Variants in CCDC92 observed in about 807,000 individuals in gnomAD.
CCDC92 encodes coiled-coil domain containing 92.
A neutral mutation model predicts 24.9 loss-of-function variants in CCDC92; 12 were observed. The ratio of observed to expected loss-of-function variants is 0.48; its 90% confidence interval spans 0.31 to 0.78. CCDC92 has a LOEUF of 0.78. Ranked by LOEUF, CCDC92 falls within the 30% of genes least tolerant of loss-of-function variation. CCDC92 has a pLI of 0.05. For synonymous variants in CCDC92, 193 were observed against 196.3 expected (o/e 0.98, Z 0.14); for missense variants, 399 against 439.4 (o/e 0.91, Z 0.82).
At chr12:123,942,298 C>T (rs1955707860) in intron 4 of CCDC92, among the ~76,000 whole-genome samples, 1 of 152,222 alleles carries the variant, frequency 6.6e-6, no homozygotes, top group South Asian at 2.1e-4. Context: ...AATGTGACCA[C>T]TCGCCCGCCA....
At chr12:123,963,294 G>C (rs6488914) in intron 1 of CCDC92, among the ~76,000 whole-genome samples, 45,837 of 152,102 alleles carry the variant, frequency 0.3, 7,038 homozygotes, top group Middle Eastern at 0.34. Context: ...GGGATGGCTA[G>C]TAAACGCAGC....
At chr12:123,969,361 A>G (rs1413090892) in intron 1 of CCDC92, among the ~76,000 whole-genome samples, 1 of 151,914 alleles carries the variant, frequency 6.6e-6, no homozygotes, top group Non-Finnish European at 1.5e-5. Context: ...ATATGACTGG[A>G]CTTTTTGCTG....
At chr12:123,949,051 C>T (rs914240171) in intron 1 of CCDC92, among the ~76,000 whole-genome samples, 9 of 152,102 alleles carry the variant, frequency 5.9e-5, no homozygotes, top group African/African-American at 1.9e-4. Context: ...AATTCAGTAT[C>T]AGAGATGCTT....
chr12:123,962,903 A>G (rs1176014193), intron 1 of CCDC92: 3 of 152,260 alleles, frequency 2.0e-5, no homozygotes, highest in East Asian at 1.9e-4. Context: ...AAGTTTTCTG[A>G]TATGAGGCAA....
intron 4 of CCDC92, among the ~76,000 whole-genome samples, chr12:123,940,317 G>A (rs183998870): frequency 3.3e-5 from 5 of 152,302 alleles, no homozygotes; most frequent in Admixed American, 3.3e-4. Flanking sequence ...CATCACTCTG[G>A]TTCTTTTCGC....
chr12:123,951,049 T>A (rs1956012615), intron 1 of CCDC92, among the ~76,000 whole-genome samples: 1 of 152,150 alleles, frequency 6.6e-6, no homozygotes, highest in African/African-American at 2.4e-5. Context: ...CACGGGGCCT[T>A]TGCACACCTT....
Position 123,936,491 on chromosome 12 carries a change from G to C in CCDC92, c.*567C>G, listed in dbSNP as rs1048333918. ...AAAAATATGAACACACATTCAGGTTGTGGTGCTATGAGGAGTAGCGTCATC... is the reference window on the plus strand; with the variant it reads ...AAAAATATGAACACACATTCAGGTTCTGGTGCTATGAGGAGTAGCGTCATC... On this transcript the variant is annotated 3_prime_UTR_variant, in exon 5 of 5. Transcript: ENST00000238156. 6.5e-6 allele frequency: 1 copy of C among 154,740 alleles called. No individual in the cohort carries two copies. The highest frequency in any genetic ancestry group is 2.4e-5 in the African/African-American group (1 of 41,532). The allele number at this position is 154,740 out of a possible 1,614,324, so 9.6% of individuals were successfully genotyped here.
rs750311683 is a variant in CCDC92, at chr12:123,943,396, C to T, written c.132G>A (p.Thr44=). The stretch of plus-strand genomic sequence containing the variant: ...TGATCTCGGAGTGCAGCCCCTTGAG[C>T]GTGCTGGCATGCTCCCGCTGAAGGA... ...LLFLQREHAS[T]LKGLHSEIRR... Residue 44 remains threonine (T), a synonymous_variant, in exon 3 of 5, where the codon ACG becomes ACA. Transcript: ENST00000238156. 3.1e-6 allele frequency: 5 copies of T among 1,614,070 alleles called. No homozygotes were observed. The highest frequency in any genetic ancestry group is 1.7e-5 in the Admixed American group (1 of 60,030).
At chr12:123,949,544 C>T (rs932516841) in intron 1 of CCDC92, among the ~76,000 whole-genome samples, 5 of 152,204 alleles carry the variant, frequency 3.3e-5, no homozygotes, top group African/African-American at 1.2e-4. Flanking sequence ...GCTAGTTTTT[C>T]TCCCCACAGA....
At position 123,972,287 on chromosome 12, in the gene CCDC92, G is replaced by A. The variant is rs371309490; in HGVS notation, c.-60+242C>T. Among the ~76,000 whole-genome samples, 1,003 of 152,160 alleles carry A rather than the reference G, an allele frequency of 6.6e-3. 6 individuals are homozygous for A. The highest frequency in any genetic ancestry group is 0.023 in the African/African-American group (937 of 41,552). Reference sequence around the variant, plus strand: ...GGGACCCTCTTTCCCCGACTCCGCCGTCTCCCGAGTTGCCTTCGCCCGGGG... The same window carrying A: ...GGGACCCTCTTTCCCCGACTCCGCCATCTCCCGAGTTGCCTTCGCCCGGGG... On this transcript the variant is annotated intron_variant, in intron 1 of 4. Coordinates refer to ENST00000238156, the MANE Select transcript of CCDC92 (RefSeq NM_025140.3).
chr12:123,950,815 G>C (rs1404866653), intron 1 of CCDC92, among the ~76,000 whole-genome samples: 4 of 152,212 alleles, frequency 2.6e-5, no homozygotes, highest in Non-Finnish European at 4.4e-5. Flanking sequence ...TTCCTTTAGT[G>C]TCTCTCCTGT....
chr12:123,944,237 A>G (rs957265775), intron 2 of CCDC92, 35 bp downstream of exon 2: 3 of 1,372,802 alleles, frequency 2.2e-6, no homozygotes, highest in Admixed American at 3.4e-5. Flanking sequence ...CCCAGCTTCC[A>G]GCATCTGATG....
chr12:123,965,721 T>C (rs1252257396), intron 1 of CCDC92, among the ~76,000 whole-genome samples: 1 of 152,240 alleles, frequency 6.6e-6, no homozygotes, highest in African/African-American at 2.4e-5. Flanking sequence ...AGAGAGCCTC[T>C]TGGTAGCTCC....
Position 123,943,206 on chromosome 12 carries a change from G to A in CCDC92, c.181+141C>T, listed in dbSNP as rs1384093878. On this transcript the variant is annotated intron_variant, in intron 3 of 4. Coordinates refer to ENST00000238156, the MANE Select transcript of CCDC92 (RefSeq NM_025140.3). ...GCTTAGTGCATCTTGATTATGCAAT[G>A]AGGATGATATAAGGCATTCAGATGG... is the stretch of plus-strand genomic sequence containing the variant. The A allele has an allele frequency of 3.7e-6, 3 of 811,066 alleles. No individual in the cohort carries two copies. In the South Asian group the frequency reaches 5.2e-5, roughly 14 times the overall value. The allele number at this position is 811,066 out of a possible 1,614,324, so 50.2% of individuals were successfully genotyped here.
At chr12:123,942,681 C>T (rs532944036) in intron 4 of CCDC92, 63 bp downstream of exon 4, 62 of 1,277,758 alleles carry the variant, frequency 4.9e-5, no homozygotes, top group Admixed American at 4.0e-4. Context: ...CTAGTGAAAA[C>T]GGCACCAACA....
At chr12:123,959,243 ACTTT>A (rs1956219246) in intron 1 of CCDC92, among the ~76,000 whole-genome samples, 1 of 152,150 alleles carries the variant, frequency 6.6e-6, no homozygotes, top group Non-Finnish European at 1.5e-5. Flanking sequence ...GTCCAATGGA[ACTTT>A]CTGTGATGAT....
At chr12:123,948,397 A>C (rs944666045) in intron 1 of CCDC92, among the ~76,000 whole-genome samples, 1 of 152,264 alleles carries the variant, frequency 6.6e-6, no homozygotes, top group Non-Finnish European at 1.5e-5. Flanking sequence ...TTGAATTATA[A>C]CAACGCTGTG....
Position 123,936,928 on chromosome 12 carries a change from G to A in CCDC92, c.*130C>T. On this transcript the variant is annotated 3_prime_UTR_variant, in exon 5 of 5. Transcript: ENST00000238156. Reference sequence around the variant, plus strand: ...TGGTGTGAAGAAGAGGGCAAGAGAAGCAGAAGGAGAATGGGTCGGTAGGTG... The same window carrying A: ...TGGTGTGAAGAAGAGGGCAAGAGAAACAGAAGGAGAATGGGTCGGTAGGTG... The A allele has an allele frequency of 1.0e-6, 1 of 982,120 alleles. No individual in the cohort carries two copies. 60.8% of individuals were successfully genotyped at this position (982,120 alleles called of 1,614,324 possible).
intron 1 of CCDC92, chr12:123,946,358 G>A: frequency 6.6e-6 from 1 of 152,632 alleles, no homozygotes; most frequent in Non-Finnish European, 1.5e-5. Context: ...TCCCACCCTG[G>A]TGCCCTCTCA....
Sources: allele counts gnomAD v4.1 joint callset (sites outside exome capture counted in the v4.1 genomes callset), GRCh38; gene constraint gnomAD v4.1.1; transcripts MANE v1.5; gene names NCBI Gene and HGNC (gene_info 2026-07-23, HGNC 2026-07-21).